Variants in SUGCT observed in about 807,000 individuals in gnomAD.
The protein encoded by SUGCT is succinyl-CoA:glutarate-CoA transferase.
SUGCT carries 41 observed loss-of-function variants against 55.0 expected under a neutral mutation model. The observed-to-expected ratio is 0.74, with a 90% confidence interval of 0.58 to 0.97. The LOEUF (loss-of-function observed/expected upper bound fraction) is 0.97, where lower values mean the gene tolerates loss of function less well. Among genes scored for constraint, SUGCT ranks in the 50% least tolerant of loss-of-function variants. The pLI is 0.00. For missense variants in SUGCT, 568 were observed against 547.8 expected, an observed-to-expected ratio of 1.04 and a Z score of -0.37; for synonymous variants, 187 against 200.4, an observed-to-expected ratio of 0.93 and a Z score of 0.56.
rs181642652 is a variant in SUGCT at position 40,571,670 on chromosome 7, T to C, written c.1089+75284T>C. Reference sequence around the variant, plus strand: ...AACACATCAATGAAAAAAAATTCATTGGCTTGAATCTGACTTAAATATTTG... The same window carrying C: ...AACACATCAATGAAAAAAAATTCATCGGCTTGAATCTGACTTAAATATTTG... On this transcript the variant is annotated intron_variant, in intron 12 of 13. Coordinates refer to ENST00000335693, the MANE Select transcript of SUGCT (RefSeq NM_001193313.2). Among the ~76,000 whole-genome samples the C allele has an allele frequency of 1.4e-3, 212 of 152,306 alleles. 2 individuals carry two copies. Among genetic ancestry groups the C allele is most frequent in the Admixed American group, 2.8e-3 (43 of 15,292 alleles).
At chr7:40,299,942 A>G (rs563712947) in intron 8 of SUGCT, among the ~76,000 whole-genome samples, 44 of 152,326 alleles carry the variant, frequency 2.9e-4, no homozygotes, top group Admixed American at 3.3e-4. Context: ...ATTAATTAGA[A>G]CAGCCAGTAT....
At chr7:40,389,324 G>A (rs751072265) in intron 9 of SUGCT, among the ~76,000 whole-genome samples, 1 of 151,956 alleles carries the variant, frequency 6.6e-6, no homozygotes, top group Non-Finnish European at 1.5e-5. Flanking sequence ...TGGCAGACAT[G>A]TGTTGTAGTC....
intron 13 of SUGCT, among the ~76,000 whole-genome samples, chr7:40,790,416 T>A (rs943395622): frequency 1.3e-5 from 2 of 152,176 alleles, no homozygotes; most frequent in African/African-American, 4.8e-5. Context: ...CTTATTAAAT[T>A]ATCCAGTCTC....
At chr7:40,996,478 C>A in the SUGCT span, among the ~76,000 whole-genome samples, 1 of 152,138 alleles carries the variant, frequency 6.6e-6, no homozygotes, top group Admixed American at 6.6e-5. Context: ...AAATCATGTA[C>A]ACACTGCAAG....
At chr7:40,436,376 T>G (rs1000634470) in intron 9 of SUGCT, among the ~76,000 whole-genome samples, 2 of 152,178 alleles carry the variant, frequency 1.3e-5, no homozygotes, top group Non-Finnish European at 2.9e-5. Flanking sequence ...TCCCCCAATC[T>G]CTGTCTCACT....
chr7:40,978,642 G>C, the SUGCT span, among the ~76,000 whole-genome samples: 1 of 152,176 alleles, frequency 6.6e-6, no homozygotes, highest in South Asian at 2.1e-4. Context: ...ATTTCGAATG[G>C]GGCAATTGTG....
chr7:40,325,561 A>C (rs957813492), intron 9 of SUGCT, among the ~76,000 whole-genome samples: 1 of 152,216 alleles, frequency 6.6e-6, no homozygotes, highest in Non-Finnish European at 1.5e-5. Context: ...TCTAGAATAA[A>C]TAGGAACCAT....
intron 9 of SUGCT, among the ~76,000 whole-genome samples, chr7:40,435,657 C>T (rs1788132265): frequency 6.6e-6 from 1 of 152,160 alleles, no homozygotes; most frequent in Non-Finnish European, 1.5e-5. Flanking sequence ...TACCTTTGTT[C>T]AATGGCTTGG....
chr7:40,878,460 G>A, the SUGCT span, among the ~76,000 whole-genome samples: 24 of 152,078 alleles, frequency 1.6e-4, no homozygotes, highest in Non-Finnish European at 3.1e-4. Flanking sequence ...TTCACTTTAG[G>A]GTGAAAACAG....
intron 13 of SUGCT, among the ~76,000 whole-genome samples, chr7:40,812,081 G>T (rs1584476192): frequency 1.3e-5 from 2 of 152,110 alleles, no homozygotes; most frequent in East Asian, 3.9e-4. Flanking sequence ...TGTATGTTGA[G>T]TCAACCTTGC....
At chr7:40,180,542 T>A (rs1584269245) in intron 1 of SUGCT, among the ~76,000 whole-genome samples, 1 of 151,014 alleles carries the variant, frequency 6.6e-6, no homozygotes, top group Non-Finnish European at 1.5e-5. Flanking sequence ...CAGGCTGGAG[T>A]GCAGCGGCAT....
At chr7:40,258,724 G>A (rs1465134870) in intron 7 of SUGCT, among the ~76,000 whole-genome samples, 2 of 152,192 alleles carry the variant, frequency 1.3e-5, no homozygotes, top group African/African-American at 2.4e-5. Flanking sequence ...TAAAGTGATG[G>A]CTGTTAGTGG....
chr7:40,198,204 TCTC>T (rs1227275152), intron 6 of SUGCT, among the ~76,000 whole-genome samples: 1 of 152,218 alleles, frequency 6.6e-6, no homozygotes, highest in East Asian at 1.9e-4. Flanking sequence ...TATACTCCGT[TCTC>T]CTTTATTTCC....
At chr7:40,687,083 C>T (rs559077182) in intron 12 of SUGCT, among the ~76,000 whole-genome samples, 7 of 152,246 alleles carry the variant, frequency 4.6e-5, no homozygotes, top group Non-Finnish European at 1.0e-4. Flanking sequence ...TGCTTATCCA[C>T]TGCATTTTCA....
At chr7:40,326,708 AG>A (rs1238702383) in intron 9 of SUGCT, among the ~76,000 whole-genome samples, 10 of 152,200 alleles carry the variant, frequency 6.6e-5, no homozygotes, top group Non-Finnish European at 4.4e-5. Context: ...ACAGGGAGTA[AG>A]GCTTCTAGTT....
chr7:40,331,875 C>G (rs540225601), intron 9 of SUGCT, among the ~76,000 whole-genome samples: 1 of 152,274 alleles, frequency 6.6e-6, no homozygotes, highest in East Asian at 1.9e-4. Flanking sequence ...GGTGATCAAG[C>G]TCAGTAGAAT....
chr7:41,017,632 G>A, the SUGCT span, among the ~76,000 whole-genome samples: 10 of 152,168 alleles, frequency 6.6e-5, no homozygotes, highest in East Asian at 1.2e-3. Flanking sequence ...TTAGCCGGGC[G>A]TGGTGGCGGG....
intron 10 of SUGCT, 38 bp from the exon 11 acceptor site, chr7:40,459,063 C>A: frequency 7.3e-7 from 1 of 1,372,450 alleles, no homozygotes; most frequent in South Asian, 1.2e-5. Context: ...ACAAGAACTA[C>A]CTATTTCTTA....
At chr7:40,582,049 T>C (rs1035768127) in intron 12 of SUGCT, among the ~76,000 whole-genome samples, 1 of 152,180 alleles carries the variant, frequency 6.6e-6, no homozygotes, top group African/African-American at 2.4e-5. Context: ...AACAGGGACA[T>C]GCACAATCTC....
Sources: gnomAD v4.1 joint callset for allele counts (sites outside exome capture counted in the v4.1 genomes callset) on GRCh38, gnomAD v4.1.1 for gene constraint, MANE v1.5 for transcripts, NCBI Gene and HGNC (gene_info 2026-07-23, HGNC 2026-07-21) for gene names.